DOCK10: variants seen among roughly 807,000 people sequenced by gnomAD.
DOCK10 encodes the protein dedicator of cytokinesis protein 10.
In DOCK10, 145 loss-of-function variants were observed where a neutral mutation model predicts 280.1. The observed-to-expected ratio is 0.52, with a 90% CI of 0.45 to 0.59. DOCK10 has a LOEUF of 0.59. DOCK10 is among the 20% of genes least tolerant of loss of function. The pLI, the probability that DOCK10 is intolerant of heterozygous loss-of-function variation, is 0.00. For missense variants in DOCK10, 2,368 were observed against 2,651.7 expected, an observed-to-expected ratio of 0.89 and a Z score of 2.35; for synonymous variants, 915 against 942.2, an observed-to-expected ratio of 0.97 and a Z score of 0.53.
chr2:224,901,772 A>G (rs978894442), intron 3 of DOCK10, among the ~76,000 whole-genome samples: 1 of 152,268 alleles, frequency 6.6e-6, no homozygotes, highest in East Asian at 1.9e-4. Flanking sequence ...GGTAGATTCC[A>G]TGATTCCACA....
chr2:224,962,573 G>A (rs1425735158), intron 1 of DOCK10, among the ~76,000 whole-genome samples: 1 of 152,220 alleles, frequency 6.6e-6, no homozygotes, highest in Admixed American at 6.5e-5. Context: ...TGAAAATTAA[G>A]TGTCAGATAT....
At position 224,830,579 on chromosome 2, in the gene DOCK10, AT is replaced by A; in HGVS notation, c.2997del (p.Lys999AsnfsTer7). 1 of 1,537,982 alleles carries A rather than the reference AT, an allele frequency of 6.5e-7. No homozygotes were observed. The highest frequency in any genetic ancestry group is 8.8e-7 in the Non-Finnish European group (1 of 1,134,862). On this transcript the variant is annotated frameshift_variant, in exon 27 of 56. Transcript: ENST00000258390. LOFTEE classifies it high-confidence loss of function. Reference protein sequence around the residue: ...HSWFFFAIILKSMAQHLIDTN... With the variant: ...HSWFFFAIILXSMAQHLIDTN... ...GTGTCAATCAAGTGCTGTGCCATCGATTTTAGGATAATTGCAAAGAAGAACC... is the reference window on the plus strand; with the variant it reads ...GTGTCAATCAAGTGCTGTGCCATCGATTTAGGATAATTGCAAAGAAGAACC...
Position 224,840,052 on chromosome 2 carries a change from C to G in DOCK10, c.2682G>C (p.Lys894Asn). 14 of 1,544,058 alleles carry G rather than the reference C, an allele frequency of 9.1e-6. No homozygotes were observed. The highest frequency in any genetic ancestry group is 2.3e-5 in the East Asian group (1 of 42,712). Residue 894 changes from lysine to asparagine, a missense_variant, in exon 24 of 56, where the codon AAG (lysine) becomes AAC (asparagine). By Grantham distance (94) the Lys-to-Asn change is moderately conservative. Around this residue, in one of 2 missense-constraint regions of DOCK10, gnomAD observed 1,209 missense variants for 1,250.9 expected, o/e 0.97. Transcript: ENST00000258390. ...GCAGAAAACTCATGATTGCATGAATCTTTTCCACATTCAATAAGTTCTGTA... is the reference window on the plus strand; with the variant it reads ...GCAGAAAACTCATGATTGCATGAATGTTTTCCACATTCAATAAGTTCTGTA... ...RSCKNLLNVE[K>N]IHAIMSFLPI...
intron 27 of DOCK10, among the ~76,000 whole-genome samples, chr2:224,827,239 G>A (rs1300474741): frequency 6.7e-6 from 1 of 149,488 alleles, no homozygotes; most frequent in African/African-American, 2.5e-5. Context: ...CTCCAGTGTG[G>A]GCGACAGAGC....
intron 1 of DOCK10, among the ~76,000 whole-genome samples, chr2:224,974,956 T>C (rs1705344216): frequency 6.7e-6 from 1 of 150,314 alleles, no homozygotes; most frequent in African/African-American, 2.4e-5. Flanking sequence ...TTTCTATGTA[T>C]CACCTCCCCC....
intron 1 of DOCK10, among the ~76,000 whole-genome samples, chr2:224,977,508 A>G (rs949499343): frequency 1.3e-5 from 2 of 152,244 alleles, no homozygotes; most frequent in African/African-American, 4.8e-5. Flanking sequence ...CATTAACCAG[A>G]AAATAGTAAA....
At chr2:225,016,353 G>A (rs987874327) in intron 1 of DOCK10, among the ~76,000 whole-genome samples, 1 of 151,448 alleles carries the variant, frequency 6.6e-6, no homozygotes, top group African/African-American at 2.4e-5. Flanking sequence ...TATTGTAATT[G>A]GTATTTGTTT....
At chr2:224,866,612 C>T (rs989289399) in intron 11 of DOCK10, among the ~76,000 whole-genome samples, 3 of 152,144 alleles carry the variant, frequency 2.0e-5, no homozygotes, top group Non-Finnish European at 2.9e-5. Context: ...ACCATGATGG[C>T]GACCAATGGT....
At chr2:224,913,994 C>T (rs1162334136) in intron 3 of DOCK10, among the ~76,000 whole-genome samples, 1 of 152,198 alleles carries the variant, frequency 6.6e-6, no homozygotes, top group Non-Finnish European at 1.5e-5. Context: ...GCCTTGGCCT[C>T]CCAAAGTGCT....
chr2:224,931,764 T>A (rs966284805), intron 1 of DOCK10, 96 bp from the exon 2 acceptor site: 3 of 1,348,522 alleles, frequency 2.2e-6, no homozygotes, highest in African/African-American at 1.5e-5. Context: ...CATTGAGGCT[T>A]TAACACTGCA....
At chr2:224,841,985 TG>T in intron 22 of DOCK10, 89 bp from the exon 23 acceptor site, 1 of 936,756 alleles carries the variant, frequency 1.1e-6, no homozygotes, top group Non-Finnish European at 1.7e-6. Flanking sequence ...TAAGCATTTC[TG>T]TAGGATTGAT....
chr2:224,929,172 T>C (rs533075802), intron 2 of DOCK10, among the ~76,000 whole-genome samples: 9 of 152,360 alleles, frequency 5.9e-5, no homozygotes, highest in Admixed American at 2.6e-4. Flanking sequence ...CCTCATAGAA[T>C]TGGTCTTTAT....
intron 1 of DOCK10, among the ~76,000 whole-genome samples, chr2:225,012,688 C>G (rs1344453488): frequency 6.6e-6 from 1 of 152,074 alleles, no homozygotes; most frequent in Non-Finnish European, 1.5e-5. Flanking sequence ...GCACATAACT[C>G]ATAATAATAA....
rs752261587 is a variant in DOCK10 at position 224,797,093 on chromosome 2, G to A, written c.4698C>T (p.Tyr1566=). The A allele has an allele frequency of 1.9e-5, 30 of 1,613,276 alleles. No homozygotes were observed. The highest frequency in any genetic ancestry group is 6.7e-5 in the Admixed American group (4 of 59,916). The part of the protein sequence containing the change: ...GPADLCGSFC[Y]EVLKCCNHRS... Reference sequence around the variant, plus strand: ...TGTGGTTACAGCATTTTAGGACTTCGTAACAGAATGATCCACAGAGGTCAG... The same window carrying A: ...TGTGGTTACAGCATTTTAGGACTTCATAACAGAATGATCCACAGAGGTCAG... Residue 1566 remains tyrosine (Y), a synonymous_variant, in exon 43 of 56, where the codon TAC becomes TAT. Coordinates refer to ENST00000258390, the MANE Select transcript of DOCK10 (RefSeq NM_014689.3).
At chr2:224,989,336 C>T (rs1427909397) in intron 1 of DOCK10, among the ~76,000 whole-genome samples, 1 of 152,184 alleles carries the variant, frequency 6.6e-6, no homozygotes, top group Non-Finnish European at 1.5e-5. Flanking sequence ...CCTCCATCTG[C>T]TGATTTAAGC....
intron 55 of DOCK10, 131 bp from the exon 56 acceptor site, chr2:224,765,968 A>T: frequency 1.6e-6 from 1 of 607,180 alleles, no homozygotes. Flanking sequence ...AAAAAGACAC[A>T]TATTAAAGTG....
At chr2:224,812,497 G>A (rs566602036) in intron 31 of DOCK10, among the ~76,000 whole-genome samples, 8 of 152,084 alleles carry the variant, frequency 5.3e-5, no homozygotes, top group African/African-American at 1.7e-4. Context: ...CTGCCTAATT[G>A]CCCTGGCCAG....
intron 1 of DOCK10, among the ~76,000 whole-genome samples, chr2:224,942,138 C>T (rs924409117): frequency 1.1e-4 from 16 of 152,204 alleles, no homozygotes; most frequent in African/African-American, 3.9e-4. Flanking sequence ...TCCCTCCCTT[C>T]GCAGTCAGCT....
intron 1 of DOCK10, among the ~76,000 whole-genome samples, chr2:224,999,623 T>A (rs1011189435): frequency 4.5e-4 from 68 of 151,456 alleles, no homozygotes; most frequent in African/African-American, 1.6e-3. Context: ...ACACAAAGAG[T>A]CCTATCCTCT....
Sources: allele counts gnomAD v4.1 joint callset (sites outside exome capture counted in the v4.1 genomes callset), GRCh38; gene constraint gnomAD v4.1.1; regional missense constraint gnomAD v4.1.1; transcripts MANE v1.5; gene names NCBI Gene and HGNC (gene_info 2026-07-23, HGNC 2026-07-21).